Variants in PNMA8B observed in about 807,000 individuals in gnomAD.
PNMA8B encodes the protein PNMA family member 8B, also known as paraneoplastic antigen-like protein 8B.
For synonymous variants in PNMA8B, 386 were observed against 394.9 expected (o/e 0.98, Z 0.27); for missense variants, 887 against 885.8 (o/e 1.00, Z -0.02).
chr19:46,493,514 C>G lies in PNMA8B; in HGVS notation c.*44G>C, dbSNP rs1406255903. The G allele has an allele frequency of 1.2e-5, 15 of 1,257,382 alleles. No individual in the cohort carries two copies. Among genetic ancestry groups the G allele is most frequent in the Admixed American group, 4.1e-5 (1 of 24,296 alleles). The allele number at this position is 1,257,382 out of a possible 1,614,324, so 77.9% of individuals were successfully genotyped here. On this transcript the variant is annotated 3_prime_UTR_variant, in exon 1 of 1. Coordinates refer to ENST00000599531, the MANE Select transcript of PNMA8B (RefSeq NM_020709.3). The surrounding 1 kb of genome is among the most constrained non-coding windows in gnomAD (Gnocchi z 5.3). ...GCGGGGGCCACAGGCGGGCGGGTGC[C>G]CTGCGGGGCCTGCTCGCAGCCTGGG...
At position 46,493,548 on chromosome 19, in the gene PNMA8B, TG is replaced by T. The variant is rs749101065; in HGVS notation, c.*9del. 3.7e-6 allele frequency: 5 copies of T among 1,344,934 alleles called. No individual in the cohort carries two copies. Among genetic ancestry groups the T allele is most frequent in the Admixed American group, 6.9e-5 (2 of 28,842 alleles). 83.3% of individuals were successfully genotyped at this position (1,344,934 alleles called of 1,614,324 possible). On this transcript the variant is annotated 3_prime_UTR_variant, in exon 1 of 1. Coordinates refer to ENST00000599531, the MANE Select transcript of PNMA8B (RefSeq NM_020709.3). The surrounding 1 kb of genome is among the most constrained non-coding windows in gnomAD (Gnocchi z 5.3). ...CCTGCTCGCAGCCTGGGCGGCTTCT[TG>T]GGGGGCCACTAGCGGCATTTAGGGG...
chr19:46,492,402 T>C lies in PNMA8B; in HGVS notation c.*1156A>G, dbSNP rs909298009. 1.0e-5 allele frequency: 2 copies of C among 199,652 alleles called. No individual in the cohort carries two copies. Among genetic ancestry groups the C allele is most frequent in the Non-Finnish European group, 2.1e-5 (2 of 93,142 alleles). 12.4% of individuals were successfully genotyped at this position (199,652 alleles called of 1,614,324 possible). The stretch of plus-strand genomic sequence containing the variant: ...ACTCAAGCGTGCTTGGGACAGCAGG[T>C]TGTGAAGCCTCACAGCACCGGCCCG... On this transcript the variant is annotated 3_prime_UTR_variant, in exon 1 of 1. Transcript: ENST00000599531.
In PNMA8B at chr19:46,494,847, C is replaced by G; in HGVS notation, c.619G>C (p.Glu207Gln). 1.9e-6 allele frequency: 3 copies of G among 1,613,372 alleles called. No individual in the cohort carries two copies. In the East Asian group the frequency reaches 6.7e-5, roughly 36 times the overall value. Residue 207 changes from glutamate to glutamine, a missense_variant, in exon 1 of 1, where the codon GAG becomes CAG. By Grantham distance (29) the Glu-to-Gln change is conservative. Coordinates refer to ENST00000599531, the MANE Select transcript of PNMA8B (RefSeq NM_020709.3). ...SSDESLGIVI[E>Q]EIDQGDLSGE... ...CTCAGGTCGCCCTGGTCGATCTCCT[C>G]GATCACGATGCCCAGGCTCTCGTCG...
chr19:46,493,532 AGCCTGGGCG>A lies in PNMA8B; in HGVS notation c.*17_*25del. ...CGGGTGCCCTGCGGGGCCTGCTCGCAGCCTGGGCGGCTTCTTGGGGGGCCACTAGCGGCA... is the reference window on the plus strand; with the variant it reads ...CGGGTGCCCTGCGGGGCCTGCTCGCAGCTTCTTGGGGGGCCACTAGCGGCA... On this transcript the variant is annotated 3_prime_UTR_variant, in exon 1 of 1. Coordinates refer to ENST00000599531, the MANE Select transcript of PNMA8B (RefSeq NM_020709.3). This position sits in a 1 kb window ranked among gnomAD's most constrained non-coding sequence, Gnocchi z 5.3. 7.6e-7 allele frequency: 1 copy of A among 1,321,226 alleles called. No individual in the cohort carries two copies. The highest frequency in any genetic ancestry group is 9.6e-7 in the Non-Finnish European group (1 of 1,037,530). 81.8% of individuals were successfully genotyped at this position (1,321,226 alleles called of 1,614,324 possible). A position where few individuals can be genotyped will look rare whatever the true frequency, so the allele number is the denominator to read the frequency against.
rs551348673 is a variant in PNMA8B at position 46,492,127 on chromosome 19, G to T, written c.*1431C>A. 5.9e-4 allele frequency: 261 copies of T among 443,912 alleles called. No homozygotes were observed. The highest frequency in any genetic ancestry group is 4.7e-3 in the African/African-American group (235 of 49,912). The allele number at this position is 443,912 out of a possible 1,614,324, so 27.5% of individuals were successfully genotyped here. On this transcript the variant is annotated 3_prime_UTR_variant, in exon 1 of 1. Transcript: ENST00000599531. ...CATAGGACTGGGACAGTCTGGTCTGGACTGTGAGGTCACACCCAAACCCTC... is the reference window on the plus strand; with the variant it reads ...CATAGGACTGGGACAGTCTGGTCTGTACTGTGAGGTCACACCCAAACCCTC...
At position 46,494,043 on chromosome 19, in the gene PNMA8B, C is replaced by A; in HGVS notation, c.1423G>T (p.Gly475Trp). 6.2e-7 allele frequency: 1 copy of A among 1,613,644 alleles called. No homozygotes were observed. Among genetic ancestry groups the A allele is most frequent in the Non-Finnish European group, 8.5e-7 (1 of 1,179,848 alleles). The change falls in exon 1 of 1, where the codon GGG becomes TGG. Residue 475 changes from glycine to tryptophan, a missense_variant. Physicochemically the swap from Gly to Trp is radical, Grantham distance 184. Transcript: ENST00000599531. ...KEEKENAWEGGKYKYPKGKLG... is the reference protein window; with the variant it reads ...KEEKENAWEGWKYKYPKGKLG... ...TTGCCTTTGGGGTATTTGTACTTCCCGCCTTCCCAGGCGTTTTCTTTTTCC... is the reference window on the plus strand; with the variant it reads ...TTGCCTTTGGGGTATTTGTACTTCCAGCCTTCCCAGGCGTTTTCTTTTTCC...
Position 46,494,219 on chromosome 19 carries a change from G to C in PNMA8B, c.1247C>G (p.Ser416Cys), listed in dbSNP as rs767069640. ...AGGGAGATCCGGCTGCGCCAAGGTG[G>C]AAATGCACTCCCGGAGGTCCCCGTC... is the stretch of plus-strand genomic sequence containing the variant. Reference protein sequence around the residue: ...GDDGDLRECISTLAQPDLPPQ... With the variant: ...GDDGDLRECICTLAQPDLPPQ... Residue 416 changes from serine to cysteine, a missense_variant, in exon 1 of 1, where the codon TCC (serine) becomes TGC (cysteine). Coordinates refer to ENST00000599531, the MANE Select transcript of PNMA8B (RefSeq NM_020709.3). 6.2e-7 allele frequency: 1 copy of C among 1,609,324 alleles called. No homozygotes were observed. Among genetic ancestry groups the C allele is most frequent in the Non-Finnish European group, 8.5e-7 (1 of 1,179,764 alleles).
In PNMA8B at chr19:46,494,714, C is replaced by T. The variant is rs372340134; in HGVS notation, c.752G>A (p.Arg251His). ...GACGGTGACCAGAGCCAAGAACTCG[C>T]GGGGACCGTCTTCTTCCCCCTCGGA... ...CNSEGEEDGP[R>H]EFLALVTVTD... The change falls in exon 1 of 1, where the codon CGC (arginine) becomes CAC (histidine). Residue 251 changes from arginine (R) to histidine (H), a missense_variant. Transcript: ENST00000599531. The T allele has an allele frequency of 6.2e-7, 1 of 1,614,044 alleles. No homozygotes were observed. Among genetic ancestry groups the T allele is most frequent in the Non-Finnish European group, 8.5e-7 (1 of 1,179,902 alleles).
In PNMA8B at chr19:46,495,380, C is replaced by A. The variant is rs1340717847; in HGVS notation, c.86G>T (p.Gly29Val). The A allele has an allele frequency of 7.4e-7, 1 of 1,348,664 alleles. No homozygotes were observed. 83.5% of individuals were successfully genotyped at this position (1,348,664 alleles called of 1,614,324 possible). A position where few individuals can be genotyped will look rare whatever the true frequency, so the allele number is the denominator to read the frequency against. The change falls in exon 1 of 1, where the codon GGC (glycine) becomes GTC (valine). Residue 29 changes from glycine to valine, a missense_variant. By Grantham distance (109) the Gly-to-Val change is moderately radical. Coordinates refer to ENST00000599531, the MANE Select transcript of PNMA8B (RefSeq NM_020709.3). ...GGCTTCGACGTCTGCCTGCTCCAGG[C>A]CCTCCGGGATGCCGGTGACCAGCAG... ...RALLVTGIPEGLEQADVEAVL... is the reference protein window; with the variant it reads ...RALLVTGIPEVLEQADVEAVL...
Position 46,495,484 on chromosome 19 carries a change from C to G in PNMA8B, c.-19G>C. 1 of 1,583,472 alleles carries G rather than the reference C, an allele frequency of 6.3e-7. No homozygotes were observed. Among genetic ancestry groups the G allele is most frequent in the African/African-American group, 1.3e-5 (1 of 74,362 alleles). ...TGGCCATGGTGCAGCCCCCTTGGCGCTGATCTTGGGGCAGCAGGGAGCCCG... is the reference window on the plus strand; with the variant it reads ...TGGCCATGGTGCAGCCCCCTTGGCGGTGATCTTGGGGCAGCAGGGAGCCCG... On this transcript the variant is annotated 5_prime_UTR_variant, in exon 1 of 1. Coordinates refer to ENST00000599531, the MANE Select transcript of PNMA8B (RefSeq NM_020709.3).
Position 46,493,775 on chromosome 19 carries a change from C to T in PNMA8B, c.1691G>A (p.Gly564Asp). ...AGTGACGCCCCGGCCTCGGCCTCGG[C>T]CGCCCGCGCGGGTTTTGCGGGCCCC... ...ASGARKTRAG[G>D]RGRGRGVTPE... is the part of the protein sequence containing the mutation. The change falls in exon 1 of 1, where the codon GGC becomes GAC. Residue 564 changes from glycine to aspartate, a missense_variant. Transcript: ENST00000599531. The surrounding 1 kb of genome is among the most constrained non-coding windows in gnomAD (Gnocchi z 5.3). 1 of 1,379,618 alleles carries T rather than the reference C, an allele frequency of 7.2e-7. No homozygotes were observed. 85.5% of individuals were successfully genotyped at this position (1,379,618 alleles called of 1,614,324 possible).
At position 46,494,657 on chromosome 19, in the gene PNMA8B, T is replaced by G. The variant is rs1398798426; in HGVS notation, c.809A>C (p.Lys270Thr). ...TDKSKKEEAE[K>T]EPAGAESIRL... ...GATGGATTCGGCCCCAGCTGGCTCC[T>G]TCTCTGCCTCTTCTTTCTTCGATTT... Residue 270 changes from lysine to threonine, a missense_variant, in exon 1 of 1, where the codon AAG becomes ACG. Lys to Thr is a moderately conservative substitution (Grantham distance 78, BLOSUM62 -1). Transcript: ENST00000599531. The G allele has an allele frequency of 9.9e-6, 16 of 1,613,918 alleles. No individual in the cohort carries two copies. The highest frequency in any genetic ancestry group is 1.4e-5 in the Non-Finnish European group (16 of 1,179,902).
At position 46,493,244 on chromosome 19, in the gene PNMA8B, C is replaced by A. The variant is rs541650673; in HGVS notation, c.*314G>T. ...GTGCCCGGCGTCCACACACACACCCCCTCCGGGGGCAACCCGGGCCCCCAA... is the reference window on the plus strand; with the variant it reads ...GTGCCCGGCGTCCACACACACACCCACTCCGGGGGCAACCCGGGCCCCCAA... On this transcript the variant is annotated 3_prime_UTR_variant, in exon 1 of 1. Coordinates refer to ENST00000599531, the MANE Select transcript of PNMA8B (RefSeq NM_020709.3). The surrounding 1 kb of genome is among the most constrained non-coding windows in gnomAD (Gnocchi z 5.3). 3.6e-5 allele frequency: 10 copies of A among 280,180 alleles called. No individual in the cohort carries two copies. The highest frequency in any genetic ancestry group is 5.3e-5 in the Admixed American group (1 of 18,846). The allele number at this position is 280,180 out of a possible 1,614,324, so 17.4% of individuals were successfully genotyped here. A position where few individuals can be genotyped will look rare whatever the true frequency, so the allele number is the denominator to read the frequency against.
chr19:46,493,897 C>G lies in PNMA8B; in HGVS notation c.1569G>C (p.Ser523=), dbSNP rs1307332610. The stretch of plus-strand genomic sequence containing the variant: ...TCCTGGATGCCCTGTCCTCCGGCTC[C>G]GACGCCTCGCTCTCGGTGTCCTCCG... ...EESEDTESEA[S]EPEDRASRKP... is the part of the protein sequence containing the mutation. The change falls in exon 1 of 1, where the codon TCG becomes TCC. Residue 523 remains serine, a synonymous_variant. Transcript: ENST00000599531. This position sits in a 1 kb window ranked among gnomAD's most constrained non-coding sequence, Gnocchi z 5.3. 2.6e-6 allele frequency: 4 copies of G among 1,565,478 alleles called. No individual in the cohort carries two copies. Among genetic ancestry groups the G allele is most frequent in the Non-Finnish European group, 3.5e-6 (4 of 1,156,100 alleles).
At position 46,492,158 on chromosome 19, in the gene PNMA8B, C is replaced by T. The variant is rs1392382192; in HGVS notation, c.*1400G>A. 2.3e-6 allele frequency: 1 copy of T among 442,008 alleles called. No homozygotes were observed. Among genetic ancestry groups the T allele is most frequent in the Non-Finnish European group, 4.6e-6 (1 of 218,294 alleles). The allele number at this position is 442,008 out of a possible 1,614,324, so 27.4% of individuals were successfully genotyped here. ...GAGGTCACACCCAAACCCTCCTATT[C>T]CTTCCCAGGGACAAGTGGGGCAGGG... On this transcript the variant is annotated 3_prime_UTR_variant, in exon 1 of 1. Coordinates refer to ENST00000599531, the MANE Select transcript of PNMA8B (RefSeq NM_020709.3).
chr19:46,495,625 G>C lies in PNMA8B; in HGVS notation c.-160C>G. The stretch of plus-strand genomic sequence containing the variant: ...GGCTGGAGTGGGGCTCGGGGCTCGG[G>C]GGCTCTAGCTGCCTGCTGGCCGGCT... On this transcript the variant is annotated 5_prime_UTR_variant, in exon 1 of 1. Coordinates refer to ENST00000599531, the MANE Select transcript of PNMA8B (RefSeq NM_020709.3). The C allele has an allele frequency of 1.1e-6, 1 of 907,710 alleles. No homozygotes were observed. 56.2% of individuals were successfully genotyped at this position (907,710 alleles called of 1,614,324 possible).
In PNMA8B at chr19:46,492,921, C is replaced by T. The variant is rs191490329; in HGVS notation, c.*637G>A. The T allele has an allele frequency of 1.9e-4, 29 of 154,364 alleles. No homozygotes were observed. The Middle Eastern group carries it at 4.3e-3, about 23-fold the overall frequency. The allele number at this position is 154,364 out of a possible 1,614,324, so 9.6% of individuals were successfully genotyped here. Reference sequence around the variant, plus strand: ...ATGTGTCTTCCCTCTGCTCCCCCCTCCCCCTCCTCCTCCTCTTTCCCTTCT... The same window carrying T: ...ATGTGTCTTCCCTCTGCTCCCCCCTTCCCCTCCTCCTCCTCTTTCCCTTCT... On this transcript the variant is annotated 3_prime_UTR_variant, in exon 1 of 1. Coordinates refer to ENST00000599531, the MANE Select transcript of PNMA8B (RefSeq NM_020709.3).
At position 46,493,463 on chromosome 19, in the gene PNMA8B, G is replaced by C. The variant is rs1601502951; in HGVS notation, c.*95C>G. 6.5e-6 allele frequency: 5 copies of C among 764,106 alleles called. No homozygotes were observed. The highest frequency in any genetic ancestry group is 9.0e-6 in the Non-Finnish European group (5 of 555,466). 47.3% of individuals were successfully genotyped at this position (764,106 alleles called of 1,614,324 possible). A position where few individuals can be genotyped will look rare whatever the true frequency, so the allele number is the denominator to read the frequency against. ...TGTGAAGCGAGGAGATTGCGTCTGC[G>C]GAGGACAGGAAGAGGGGAGGGGAGG... On this transcript the variant is annotated 3_prime_UTR_variant, in exon 1 of 1. Coordinates refer to ENST00000599531, the MANE Select transcript of PNMA8B (RefSeq NM_020709.3). This position sits in a 1 kb window ranked among gnomAD's most constrained non-coding sequence, Gnocchi z 5.3.
chr19:46,495,636 G>T lies in PNMA8B; in HGVS notation c.-171C>A. On this transcript the variant is annotated 5_prime_UTR_variant, in exon 1 of 1. Transcript: ENST00000599531. ...GGCTCGGGGCTCGGGGGCTCTAGCT[G>T]CCTGCTGGCCGGCTGGACGCAGTGA... is the stretch of plus-strand genomic sequence containing the variant. 1 of 798,486 alleles carries T rather than the reference G, an allele frequency of 1.3e-6. No individual in the cohort carries two copies. The highest frequency in any genetic ancestry group is 2.0e-5 in the South Asian group (1 of 49,002). The allele number at this position is 798,486 out of a possible 1,614,324, so 49.5% of individuals were successfully genotyped here. A position where few individuals can be genotyped will look rare whatever the true frequency, so the allele number is the denominator to read the frequency against.
Sources: gnomAD v4.1 joint callset for allele counts on GRCh38, gnomAD v4.1.1 for gene constraint, Gnocchi (gnomAD v3.1) non-coding constraint, MANE v1.5 for transcripts, NCBI Gene and HGNC (gene_info 2026-07-23, HGNC 2026-07-21) for gene names.